Variants in PCGF6 observed in about 807,000 individuals in gnomAD.
The protein encoded by PCGF6 is polycomb group ring finger 6, also known as polycomb group RING finger protein 6.
PCGF6 carries 24 observed loss-of-function variants against 45.5 expected under a neutral mutation model. The ratio of observed to expected loss-of-function variants is 0.53; its 90% CI spans 0.38 to 0.74. The LOEUF (loss-of-function observed/expected upper bound fraction) is 0.74, where lower values mean the gene tolerates loss of function less well. PCGF6 is among the 30% of genes least tolerant of loss of function. PCGF6 has a pLI of 0.00. For synonymous variants in PCGF6, 152 were observed against 162.1 expected, an observed-to-expected ratio of 0.94 and a Z score of 0.47; for missense variants, 356 against 443.2, an observed-to-expected ratio of 0.80 and a Z score of 1.77.
intron 8 of PCGF6, among the ~76,000 whole-genome samples, chr10:103,324,978 T>C (rs1295190490): frequency 6.7e-6 from 1 of 148,456 alleles, no homozygotes; most frequent in Non-Finnish European, 1.5e-5. Context: ...CTACTAAAAA[T>C]ACAAAATTAG....
intron 6 of PCGF6, among the ~76,000 whole-genome samples, chr10:103,338,817 G>A (rs1218941432): frequency 2.6e-5 from 4 of 151,366 alleles, no homozygotes; most frequent in Non-Finnish European, 4.4e-5. Flanking sequence ...GCAGTGAGCC[G>A]AGATCACACC....
intron 8 of PCGF6, among the ~76,000 whole-genome samples, chr10:103,323,333 G>A (rs981390970): frequency 3.9e-5 from 6 of 151,990 alleles, no homozygotes; most frequent in African/African-American, 1.4e-4. Context: ...TTTTGCTGTT[G>A]TTGCCCAGGC....
At chr10:103,347,525 T>C (rs2093303930) in intron 3 of PCGF6, 75 bp from the exon 4 acceptor site, 1 of 1,252,898 alleles carries the variant, frequency 8.0e-7, no homozygotes, top group African/African-American at 1.5e-5. Flanking sequence ...GTTAATTGTG[T>C]TTTCTCTTGA....
intron 6 of PCGF6, among the ~76,000 whole-genome samples, chr10:103,343,514 A>C (rs1336516189): frequency 6.6e-6 from 1 of 152,070 alleles, no homozygotes; most frequent in Non-Finnish European, 1.5e-5. Flanking sequence ...AATGGAGTAC[A>C]CCATATGCTA....
At chr10:103,330,871 G>A (rs2093237636) in intron 7 of PCGF6, among the ~76,000 whole-genome samples, 1 of 152,200 alleles carries the variant, frequency 6.6e-6, no homozygotes, top group South Asian at 2.1e-4. Flanking sequence ...AGAGGTTGCA[G>A]TGAGCCCAGA....
At chr10:103,341,944 C>T (rs11191659) in intron 6 of PCGF6, among the ~76,000 whole-genome samples, 18,155 of 149,212 alleles carry the variant, frequency 0.12, 1,404 homozygotes, top group Non-Finnish European at 0.17. Context: ...TTAATATGTT[C>T]TTTTTTTTTT....
intron 7 of PCGF6, among the ~76,000 whole-genome samples, chr10:103,333,062 T>C (rs1013381575): frequency 1.3e-5 from 2 of 148,208 alleles, no homozygotes; most frequent in African/African-American, 5.0e-5. Flanking sequence ...GAAGTTGCAG[T>C]GAGCCAAGAT....
chr10:103,344,260 G>A (rs1300858393), intron 6 of PCGF6, among the ~76,000 whole-genome samples: 1 of 151,516 alleles, frequency 6.6e-6, no homozygotes. Flanking sequence ...AAAAGGCATG[G>A]GAATGACAAA....
chr10:103,349,049 A>C, intron 1 of PCGF6, 50 bp from the exon 2 acceptor site: 1 of 1,511,164 alleles, frequency 6.6e-7, no homozygotes, highest in Non-Finnish European at 9.1e-7. Context: ...GCCTTTTACA[A>C]ATTCTTTTTT....
intron 6 of PCGF6, among the ~76,000 whole-genome samples, chr10:103,339,813 AC>A (rs1564733273): frequency 0.25 from 4,169 of 16,890 alleles, 387 homozygotes; most frequent in Middle Eastern, 0.39. Context: ...AAAAAAAAAC[AC>A]ACACACACAC....
chr10:103,310,640 G>A (rs1018100473), intron 9 of PCGF6, among the ~76,000 whole-genome samples: 1 of 151,940 alleles, frequency 6.6e-6, no homozygotes, highest in Non-Finnish European at 1.5e-5. Context: ...CTTCTTTTGA[G>A]CAGTTGTTCC....
At chr10:103,315,613 C>G (rs1231328125) in intron 8 of PCGF6, among the ~76,000 whole-genome samples, 2 of 152,148 alleles carry the variant, frequency 1.3e-5, no homozygotes, top group African/African-American at 4.8e-5. Context: ...CCCACCTCAG[C>G]CTCCCAAAAT....
intron 5 of PCGF6, 111 bp downstream of exon 5, chr10:103,347,127 A>G: frequency 1.3e-6 from 1 of 787,010 alleles, no homozygotes; most frequent in East Asian, 2.5e-5. Flanking sequence ...TACCTTCAAA[A>G]TCTCTCTGAT....
chr10:103,329,214 A>G (rs1396898555), intron 7 of PCGF6, among the ~76,000 whole-genome samples: 4 of 150,582 alleles, frequency 2.7e-5, no homozygotes, highest in African/African-American at 9.8e-5. Flanking sequence ...CTAATTTTGT[A>G]TTTTTAGTAG....
intron 8 of PCGF6, among the ~76,000 whole-genome samples, chr10:103,321,845 A>C (rs751733177): frequency 7.2e-5 from 11 of 152,044 alleles, no homozygotes; most frequent in Non-Finnish European, 1.6e-4. Flanking sequence ...CAATGTATAC[A>C]TATTTCAAAA....
rs78743011 is a variant in PCGF6 at position 103,305,290 on chromosome 10, G to T, written c.997-1329C>A. On this transcript the variant is annotated intron_variant, in intron 9 of 9. Transcript: ENST00000369847. ...ATCCAGCCCAGACTTTTTTTTTTTT[G>T]AAACACAGTCTGGCTCTGTCACCAG... is the stretch of plus-strand genomic sequence containing the variant. Among the ~76,000 whole-genome samples, 159 of 146,188 alleles carry T rather than the reference G, an allele frequency of 1.1e-3. 2 individuals carry two copies. The Middle Eastern group carries it at 0.054, about 50-fold the overall frequency.
intron 8 of PCGF6, among the ~76,000 whole-genome samples, chr10:103,318,116 T>C (rs112297898): frequency 6.6e-6 from 1 of 151,032 alleles, no homozygotes; most frequent in African/African-American, 2.4e-5. Context: ...TGTGTGCATG[T>C]GGGTTTTTCT....
chr10:103,334,222 G>A (rs1390171102), intron 6 of PCGF6, among the ~76,000 whole-genome samples: 1 of 151,918 alleles, frequency 6.6e-6, no homozygotes, highest in African/African-American at 2.4e-5. Flanking sequence ...GAAAATATGA[G>A]AATTTACTTA....
rs756898122 is a variant in PCGF6, at chr10:103,303,868, C to T, written c.*37G>A. 1.9e-6 allele frequency: 3 copies of T among 1,555,136 alleles called. No individual in the cohort carries two copies. The highest frequency in any genetic ancestry group is 2.3e-5 in the South Asian group (2 of 88,772). The stretch of plus-strand genomic sequence containing the variant: ...TGGTGAGATGCAGTCCTGCAGAAGC[C>T]TCCTTTGTTTCCCTCCTCATAATGT... On this transcript the variant is annotated 3_prime_UTR_variant, in exon 10 of 10. Coordinates refer to ENST00000369847, the MANE Select transcript of PCGF6 (RefSeq NM_001011663.2).
Sources: gnomAD v4.1 joint callset for allele counts (sites outside exome capture counted in the v4.1 genomes callset) on GRCh38, gnomAD v4.1.1 for gene constraint, MANE v1.5 for transcripts, NCBI Gene and HGNC (gene_info 2026-07-23, HGNC 2026-07-21) for gene names.